Variants in SLC2A13 observed in about 807,000 individuals in gnomAD.
SLC2A13 encodes solute carrier family 2 member 13.
SLC2A13 carries 32 observed loss-of-function variants against 64.4 expected under a neutral mutation model. The ratio of observed to expected loss-of-function variants is 0.50; its 90% CI spans 0.37 to 0.67. The LOEUF (loss-of-function observed/expected upper bound fraction) is 0.67. Ranked by LOEUF, SLC2A13 falls within the 30% of genes least tolerant of loss-of-function variation. SLC2A13 has a pLI of 0.00. For synonymous variants in SLC2A13, 338 were observed against 327.1 expected, an observed-to-expected ratio of 1.03 and a Z score of -0.36; for missense variants, 743 against 829.2, an observed-to-expected ratio of 0.90 and a Z score of 1.28.
At chr12:40,028,226 C>T in intron 3 of SLC2A13, 75 bp downstream of exon 3, 3 of 955,794 alleles carry the variant, frequency 3.1e-6, no homozygotes, top group South Asian at 1.8e-5. Flanking sequence ...ATATTATACA[C>T]ACACGCACAC....
intron 4 of SLC2A13, among the ~76,000 whole-genome samples, chr12:39,912,301 A>G (rs1012767559): frequency 1.3e-5 from 2 of 152,022 alleles, no homozygotes; most frequent in African/African-American, 2.4e-5. Flanking sequence ...CCATAATAAT[A>G]GTAAATAATA....
chr12:39,929,963 T>G (rs2136070139), intron 4 of SLC2A13, among the ~76,000 whole-genome samples: 1 of 151,994 alleles, frequency 6.6e-6, no homozygotes, highest in African/African-American at 2.4e-5. Context: ...AAACCCTGTC[T>G]CTACTAAAAA....
At chr12:39,905,587 AT>A (rs1452546072) in intron 4 of SLC2A13, among the ~76,000 whole-genome samples, 1 of 152,158 alleles carries the variant, frequency 6.6e-6, no homozygotes, top group Non-Finnish European at 1.5e-5. Context: ...GTAAATGTGT[AT>A]GAGTGAATTT....
intron 3 of SLC2A13, among the ~76,000 whole-genome samples, chr12:39,966,446 C>T (rs1285552495): frequency 5.3e-5 from 8 of 152,054 alleles, no homozygotes; most frequent in Admixed American, 1.3e-4. Context: ...GCTAAATGTT[C>T]TGGAAAACTG....
At chr12:39,987,081 G>GA (rs1475166746) in intron 3 of SLC2A13, among the ~76,000 whole-genome samples, 2 of 152,080 alleles carry the variant, frequency 1.3e-5, no homozygotes, top group Non-Finnish European at 2.9e-5. Flanking sequence ...TTAGTTTTAA[G>GA]AAAAATGGCT....
At chr12:40,032,204 A>G (rs1947915960) in intron 2 of SLC2A13, among the ~76,000 whole-genome samples, 1 of 152,122 alleles carries the variant, frequency 6.6e-6, no homozygotes, top group African/African-American at 2.4e-5. Context: ...CAAGGATCTA[A>G]ATGTTTTTAA....
chr12:39,760,619 C>T (rs1479323956), intron 9 of SLC2A13, among the ~76,000 whole-genome samples: 1 of 152,000 alleles, frequency 6.6e-6, no homozygotes, highest in Non-Finnish European at 1.5e-5. Context: ...TATGTACACA[C>T]ACGTATGCTT....
intron 3 of SLC2A13, among the ~76,000 whole-genome samples, chr12:39,983,329 G>C (rs1440209023): frequency 4.3e-5 from 5 of 117,090 alleles, no homozygotes; most frequent in Admixed American, 3.7e-4. Context: ...TTGACAAATG[G>C]GATCTAATTA....
intron 6 of SLC2A13, among the ~76,000 whole-genome samples, chr12:39,847,162 T>G (rs1943341529): frequency 6.6e-6 from 1 of 152,164 alleles, no homozygotes; most frequent in Admixed American, 6.5e-5. Flanking sequence ...AGTAGGTGAA[T>G]CCCTATTTGG....
chr12:39,899,797 G>C (rs1409136363), intron 4 of SLC2A13, among the ~76,000 whole-genome samples: 1 of 152,098 alleles, frequency 6.6e-6, no homozygotes, highest in Non-Finnish European at 1.5e-5. Context: ...AGTTTTGAGT[G>C]AGTTTCTTAA....
chr12:39,842,404 A>G (rs759494959), intron 6 of SLC2A13, among the ~76,000 whole-genome samples: 3 of 152,048 alleles, frequency 2.0e-5, no homozygotes, highest in Non-Finnish European at 4.4e-5. Context: ...TATTTTTTCT[A>G]CTCAGCCTTT....
At chr12:39,900,046 C>T (rs921163889) in intron 4 of SLC2A13, among the ~76,000 whole-genome samples, 36 of 152,078 alleles carry the variant, frequency 2.4e-4, no homozygotes, top group African/African-American at 8.7e-4. Context: ...ATATGCAAAT[C>T]AATAAATGTA....
intron 7 of SLC2A13, among the ~76,000 whole-genome samples, chr12:39,813,146 A>G (rs867257971): frequency 6.6e-6 from 1 of 151,204 alleles, no homozygotes; most frequent in Non-Finnish European, 1.5e-5. Flanking sequence ...TGCCCAGCCT[A>G]TAGTATTACT....
At chr12:39,970,081 A>G (rs929397226) in intron 3 of SLC2A13, among the ~76,000 whole-genome samples, 17 of 152,122 alleles carry the variant, frequency 1.1e-4, no homozygotes, top group African/African-American at 3.4e-4. Context: ...TCTTGCTTTC[A>G]TCAGGTTTGT....
At chr12:40,020,986 C>T (rs1442854321) in intron 3 of SLC2A13, among the ~76,000 whole-genome samples, 4 of 150,562 alleles carry the variant, frequency 2.7e-5, no homozygotes, top group African/African-American at 9.8e-5. Flanking sequence ...ATGAACCTAA[C>T]GGTAAGTGGG....
intron 7 of SLC2A13, among the ~76,000 whole-genome samples, chr12:39,765,684 C>G (rs1036843446): frequency 6.6e-6 from 1 of 152,058 alleles, no homozygotes. Flanking sequence ...CTCTCATCCC[C>G]TGCCACATTC....
At chr12:40,082,205 A>G (rs1055660697) in intron 1 of SLC2A13, among the ~76,000 whole-genome samples, 8 of 152,186 alleles carry the variant, frequency 5.3e-5, no homozygotes, top group African/African-American at 1.9e-4. Context: ...ATGTACACAT[A>G]GTGTTCACTG....
At chr12:40,056,480 C>T (rs1441617799) in intron 1 of SLC2A13, among the ~76,000 whole-genome samples, 2 of 152,118 alleles carry the variant, frequency 1.3e-5, no homozygotes, top group Non-Finnish European at 1.5e-5. Flanking sequence ...GCATTTCCAC[C>T]TGAAAAGTGG....
chr12:39,885,104 G>C (rs769551610), intron 4 of SLC2A13, among the ~76,000 whole-genome samples: 54 of 152,188 alleles, frequency 3.5e-4, no homozygotes, highest in African/African-American at 1.3e-3. Context: ...TCAGGCAGGG[G>C]GCTGATGATG....
Sources: gnomAD v4.1 joint callset for allele counts (sites outside exome capture counted in the v4.1 genomes callset) on GRCh38, gnomAD v4.1.1 for gene constraint, MANE v1.5 for transcripts, NCBI Gene and HGNC (gene_info 2026-07-23, HGNC 2026-07-21) for gene names.